The following RPS6KC1 variants were observed in gnomAD, a reference collection of about 807,000 sequenced individuals.
RPS6KC1 encodes the protein inactive ribosomal protein S6 kinase delta-1.
Under a neutral mutation model 103.8 loss-of-function variants are expected in RPS6KC1, and 54 were observed. That is an observed-to-expected ratio of 0.52 (90% CI 0.42 to 0.65). The LOEUF is 0.65. Among genes scored for constraint, RPS6KC1 ranks in the 30% least tolerant of loss-of-function variants. RPS6KC1 has a pLI of 0.00. For synonymous variants in RPS6KC1, 439 were observed against 438.7 expected (o/e 1.00, Z -0.01); for missense variants, 1,151 against 1,253.8 (o/e 0.92, Z 1.24).
the RPS6KC1 span, among the ~76,000 whole-genome samples, chr1:213,565,037 A>G: frequency 3.3e-5 from 5 of 152,370 alleles, no homozygotes; most frequent in African/African-American, 1.2e-4. Flanking sequence ...AGTGTTCAAC[A>G]TTACTAGTCA....
chr1:213,793,015 T>C, the RPS6KC1 span, among the ~76,000 whole-genome samples: 1 of 152,106 alleles, frequency 6.6e-6, no homozygotes, highest in Non-Finnish European at 1.5e-5. Context: ...CAACAGCATA[T>C]AAAGAAACAA....
the RPS6KC1 span, among the ~76,000 whole-genome samples, chr1:213,640,778 A>G: frequency 6.6e-6 from 1 of 151,822 alleles, no homozygotes; most frequent in Non-Finnish European, 1.5e-5. Context: ...TCTTTTAAAC[A>G]TGTTAATGTT....
intron 10 of RPS6KC1, among the ~76,000 whole-genome samples, chr1:213,237,944 C>T (rs2094261383): frequency 6.6e-6 from 1 of 151,882 alleles, no homozygotes; most frequent in African/African-American, 2.4e-5. Flanking sequence ...TGACATTATA[C>T]TTATAGATCC....
At chr1:213,713,050 G>A in the RPS6KC1 span, among the ~76,000 whole-genome samples, 1 of 152,130 alleles carries the variant, frequency 6.6e-6, no homozygotes, top group Middle Eastern at 3.4e-3. Context: ...GTGGGGGTGG[G>A]CCCAGATCAG....
At chr1:213,656,092 TC>T in the RPS6KC1 span, among the ~76,000 whole-genome samples, 4 of 152,212 alleles carry the variant, frequency 2.6e-5, no homozygotes, top group African/African-American at 9.7e-5. Context: ...TAATTAATCC[TC>T]CCAGAAAGTT....
At chr1:213,821,566 A>C in the RPS6KC1 span, 2 of 152,058 alleles carry the variant, frequency 1.3e-5, no homozygotes, top group Non-Finnish European at 2.9e-5. Context: ...TTTGGTCCTT[A>C]CTTTCTCTCC....
the RPS6KC1 span, among the ~76,000 whole-genome samples, chr1:213,836,737 C>CT: frequency 6.6e-6 from 1 of 151,992 alleles, no homozygotes; most frequent in African/African-American, 2.4e-5. Context: ...ATTTTTTACT[C>CT]TTTTTTACTC....
chr1:213,643,393 T>A, the RPS6KC1 span, among the ~76,000 whole-genome samples: 18 of 152,006 alleles, frequency 1.2e-4, no homozygotes, highest in Middle Eastern at 3.5e-3. Context: ...TATCTTATAG[T>A]TTCATTGATA....
chr1:213,082,007 AT>A (rs2079937264), intron 3 of RPS6KC1, among the ~76,000 whole-genome samples: 1 of 152,170 alleles, frequency 6.6e-6, no homozygotes, highest in Admixed American at 6.5e-5. Flanking sequence ...TTTTGGGATA[AT>A]TTGTTACCCA....
chr1:213,497,650 A>G, the RPS6KC1 span, among the ~76,000 whole-genome samples: 1 of 152,170 alleles, frequency 6.6e-6, no homozygotes, highest in African/African-American at 2.4e-5. Flanking sequence ...ACAGTATTTT[A>G]GCTCAAGAAA....
chr1:213,574,673 C>A, the RPS6KC1 span, among the ~76,000 whole-genome samples: 1 of 152,310 alleles, frequency 6.6e-6, no homozygotes, highest in African/African-American at 2.4e-5. Context: ...ACAAGGCAGG[C>A]TTGGTCACAT....
chr1:213,214,447 G>T (rs997770336), intron 8 of RPS6KC1, among the ~76,000 whole-genome samples: 2 of 152,310 alleles, frequency 1.3e-5, no homozygotes, highest in Non-Finnish European at 2.9e-5. Context: ...TCCACCTCTC[G>T]GGGCAGGGCA....
chr1:213,544,255 G>A, the RPS6KC1 span, among the ~76,000 whole-genome samples: 2 of 152,136 alleles, frequency 1.3e-5, no homozygotes, highest in African/African-American at 4.8e-5. Context: ...CAGGAGGTAG[G>A]GAGAGGGCAG....
intron 12 of RPS6KC1, among the ~76,000 whole-genome samples, chr1:213,255,429 G>A (rs2094619854): frequency 6.6e-6 from 1 of 151,952 alleles, no homozygotes; most frequent in Non-Finnish European, 1.5e-5. Context: ...CACTGTGTTA[G>A]TCTTTTAAAA....
At chr1:213,611,613 C>G in the RPS6KC1 span, among the ~76,000 whole-genome samples, 1 of 152,180 alleles carries the variant, frequency 6.6e-6, no homozygotes, top group Non-Finnish European at 1.5e-5. Flanking sequence ...CAAAGTTAAA[C>G]TTGGTACACA....
the RPS6KC1 span, among the ~76,000 whole-genome samples, chr1:213,798,375 G>A: frequency 9.2e-5 from 14 of 152,200 alleles, no homozygotes; most frequent in African/African-American, 2.9e-4. Flanking sequence ...AGGCCAAGTG[G>A]CTTCCCCATC....
At chr1:213,759,062 G>A in the RPS6KC1 span, among the ~76,000 whole-genome samples, 1 of 152,130 alleles carries the variant, frequency 6.6e-6, no homozygotes, top group South Asian at 2.1e-4. Flanking sequence ...AAAGTCCATT[G>A]GTGCAGCGAA....
At chr1:213,795,819 C>T in the RPS6KC1 span, among the ~76,000 whole-genome samples, 1 of 152,126 alleles carries the variant, frequency 6.6e-6, no homozygotes, top group Non-Finnish European at 1.5e-5. Flanking sequence ...CTCTGCCCCG[C>T]TGGTTTCGTC....
At chr1:213,633,766 C>A in the RPS6KC1 span, among the ~76,000 whole-genome samples, 6 of 150,034 alleles carry the variant, frequency 4.0e-5, no homozygotes, top group South Asian at 2.1e-4. Context: ...TTGGATAAAG[C>A]GTCAAGACCC....
Sources: gnomAD v4.1 joint callset for allele counts (sites outside exome capture counted in the v4.1 genomes callset) on GRCh38, gnomAD v4.1.1 for gene constraint, MANE v1.5 for transcripts, NCBI Gene and HGNC (gene_info 2026-07-23, HGNC 2026-07-21) for gene names.